The following IQGAP3 variants were observed in gnomAD, a reference collection of about 807,000 sequenced individuals.
IQGAP3 encodes the protein IQ motif containing GTPase activating protein 3.
IQGAP3 carries 165 observed loss-of-function variants against 208.2 expected under a neutral mutation model. That is an observed-to-expected ratio of 0.79 (90% CI 0.70 to 0.90). The LOEUF (loss-of-function observed/expected upper bound fraction) is 0.90, where lower values mean the gene tolerates loss of function less well. IQGAP3 is among the 40% of genes least tolerant of loss of function. IQGAP3 has a pLI of 0.00. For missense variants in IQGAP3, 1,811 were observed against 2,043.1 expected, an observed-to-expected ratio of 0.89 and a Z score of 2.19; for synonymous variants, 703 against 803.6, an observed-to-expected ratio of 0.87 and a Z score of 2.12.
intron 19 of IQGAP3, among the ~76,000 whole-genome samples, chr1:156,546,887 C>T (rs1467589985): frequency 6.6e-6 from 1 of 152,196 alleles, no homozygotes; most frequent in East Asian, 1.9e-4. Context: ...GTCTTCATGT[C>T]CCTCCTATCA....
Position 156,548,483 on chromosome 1 carries a change from G to A in IQGAP3, c.1998C>T (p.Asp666=), listed in dbSNP as rs768845278. Residue 666 remains aspartate (D), a synonymous_variant, in exon 18 of 38, where the codon GAC becomes GAT. Transcript: ENST00000361170. ...TGTCATGTTGAACCCAGAAAGCTGTGTCTGCTAAGCAGAAACCAAGCAAGC... is the reference window on the plus strand; with the variant it reads ...TGTCATGTTGAACCCAGAAAGCTGTATCTGCTAAGCAGAAACCAAGCAAGC... ...SAMAKKQRPA[D]TAFWVQHDMK... The A allele has an allele frequency of 1.9e-5, 31 of 1,613,562 alleles. No individual in the cohort carries two copies. The highest frequency in any genetic ancestry group is 2.5e-5 in the Non-Finnish European group (30 of 1,179,780).
chr1:156,562,359 T>C (rs1398618610), intron 9 of IQGAP3, among the ~76,000 whole-genome samples: 1 of 151,788 alleles, frequency 6.6e-6, no homozygotes, highest in African/African-American at 2.4e-5. Flanking sequence ...CTCCTCTCTA[T>C]GGTTCTCCAG....
At chr1:156,529,252 A>T (rs1177067151) in intron 34 of IQGAP3, among the ~76,000 whole-genome samples, 170 bp from the exon 35 acceptor site, 1 of 152,234 alleles carries the variant, frequency 6.6e-6, no homozygotes, top group Non-Finnish European at 1.5e-5. Context: ...TCCTCAAGGC[A>T]TGTCCTCAGG....
intron 32 of IQGAP3, 52 bp downstream of exon 32, chr1:156,532,928 C>T: frequency 1.9e-6 from 3 of 1,609,870 alleles, no homozygotes; most frequent in Non-Finnish European, 2.5e-6. Context: ...ATTTTACTGG[C>T]CTCAGGGCTG....
At position 156,534,128 on chromosome 1, in the gene IQGAP3, T is replaced by A. The variant is rs1476198906; in HGVS notation, c.3754A>T (p.Arg1252Ter). ...THLKFRKFIH[R>*]ACQVPEPEER... The stretch of plus-strand genomic sequence containing the variant: ...TCTGGCTCTGGCACCTGGCAGGCTC[T>A]ATGGATGAACTTCCTGTCCAGAGGG... Residue 1252 changes from arginine to a stop codon, truncating the protein, a stop_gained, in exon 30 of 38, where the codon AGA (arginine) becomes TGA (stop). Transcript: ENST00000361170. LOFTEE classifies it high-confidence loss of function. The A allele has an allele frequency of 6.2e-7, 1 of 1,613,684 alleles. No homozygotes were observed. The highest frequency in any genetic ancestry group is 1.3e-5 in the African/African-American group (1 of 74,916).
At chr1:156,539,165 C>T (rs1674857230) in intron 25 of IQGAP3, 132 bp from the exon 26 acceptor site, 4 of 874,906 alleles carry the variant, frequency 4.6e-6, no homozygotes, top group South Asian at 3.2e-5. Context: ...CTTGATATCT[C>T]TCTCATCCTT....
rs142219756 is a variant in IQGAP3, at chr1:156,538,052, C to A, written c.3282-731G>T. On this transcript the variant is annotated intron_variant, in intron 26 of 37. Transcript: ENST00000361170. ...GACTGCAGGAGTGCGCCACAACACC[C>A]GGCGAATTTTTGTATTTTTTATTTT... 3.3e-5 allele frequency among the ~76,000 whole-genome samples: 5 copies of A among 152,006 alleles called. No homozygotes were observed. In the East Asian group the frequency reaches 9.7e-4, roughly 29 times the overall value.
intron 33 of IQGAP3, among the ~76,000 whole-genome samples, 171 bp from the exon 34 acceptor site, chr1:156,530,488 T>A (rs1266699823): frequency 6.6e-6 from 1 of 152,108 alleles, no homozygotes; most frequent in Non-Finnish European, 1.5e-5. Context: ...GGGCAGGGCA[T>A]CGCTTATGAA....
At chr1:156,528,112 C>T in intron 36 of IQGAP3, 52 bp from the exon 37 acceptor site, 1 of 1,375,936 alleles carries the variant, frequency 7.3e-7, no homozygotes, top group Non-Finnish European at 1.0e-6. Flanking sequence ...TCCAGGGCTA[C>T]AGCCACATTC....
chr1:156,553,162 C>T (rs1456874650), intron 13 of IQGAP3, among the ~76,000 whole-genome samples: 1 of 152,098 alleles, frequency 6.6e-6, no homozygotes, highest in Non-Finnish European at 1.5e-5. Context: ...GGTGGCAGAG[C>T]AAGACCCTGT....
At chr1:156,550,783 C>T (rs1675512214) in intron 15 of IQGAP3, among the ~76,000 whole-genome samples, 1 of 152,176 alleles carries the variant, frequency 6.6e-6, no homozygotes, top group Non-Finnish European at 1.5e-5. Context: ...CCAATCCTGA[C>T]CCTGACCCTT....
intron 32 of IQGAP3, among the ~76,000 whole-genome samples, chr1:156,532,012 C>G (rs1046336763): frequency 6.6e-6 from 1 of 152,204 alleles, no homozygotes; most frequent in African/African-American, 2.4e-5. Flanking sequence ...CAGCTCACCC[C>G]TACTGGGAGT....
chr1:156,565,563 A>G lies in IQGAP3; in HGVS notation c.360+464T>C, dbSNP rs76694387. On this transcript the variant is annotated intron_variant, in intron 4 of 37. Coordinates refer to ENST00000361170, the MANE Select transcript of IQGAP3 (RefSeq NM_178229.5). ...CATGTGATCTTCCTGACAACACTGT[A>G]AGGTAGACAGGGCAGGGCTCACTAT... Among the ~76,000 whole-genome samples the G allele has an allele frequency of 4.4e-3, 668 of 152,370 alleles. 1 individual carries two copies. The highest frequency in any genetic ancestry group is 7.1e-3 in the Non-Finnish European group (480 of 68,036).
chr1:156,531,304 A>C (rs1410849017), intron 32 of IQGAP3, 57 bp from the exon 33 acceptor site: 1 of 1,325,420 alleles, frequency 7.5e-7, no homozygotes, highest in African/African-American at 1.4e-5. Context: ...GGGCCTGGAC[A>C]TGGGACTGGC....
intron 10 of IQGAP3, among the ~76,000 whole-genome samples, 174 bp from the exon 11 acceptor site, chr1:156,561,195 G>A (rs2102433509): frequency 6.6e-6 from 1 of 151,566 alleles, no homozygotes; most frequent in Non-Finnish European, 1.5e-5. Flanking sequence ...TTAAGATGGA[G>A]TCTTGCTCTG....
At chr1:156,552,174 TTTC>T (rs1477731615) in intron 13 of IQGAP3, 79 bp from the exon 14 acceptor site, 1 of 1,540,896 alleles carries the variant, frequency 6.5e-7, no homozygotes, top group Non-Finnish European at 8.8e-7. Flanking sequence ...GTTGAACGAT[TTTC>T]TTCACTTGAC....
intron 22 of IQGAP3, among the ~76,000 whole-genome samples, chr1:156,541,541 C>T (rs1335821680): frequency 6.6e-6 from 1 of 152,178 alleles, no homozygotes; most frequent in Non-Finnish European, 1.5e-5. Flanking sequence ...ACAACTAATA[C>T]ATAGAATGTT....
At chr1:156,552,214 C>T (rs2102411266) in intron 13 of IQGAP3, 119 bp from the exon 14 acceptor site, 1 of 1,219,410 alleles carries the variant, frequency 8.2e-7, no homozygotes, top group African/African-American at 1.5e-5. Flanking sequence ...TCTTTTAGTT[C>T]TCTTCTTGCC....
chr1:156,566,664 G>A, intron 2 of IQGAP3, 118 bp from the exon 3 acceptor site: 1 of 930,874 alleles, frequency 1.1e-6, no homozygotes. Flanking sequence ...TCTGCTTCCT[G>A]TTCCTGCTCT....
Sources: allele counts gnomAD v4.1 joint callset (sites outside exome capture counted in the v4.1 genomes callset), GRCh38; gene constraint gnomAD v4.1.1; transcripts MANE v1.5; gene names NCBI Gene and HGNC (gene_info 2026-07-23, HGNC 2026-07-21).